GPM6B: variants seen among roughly 807,000 people sequenced by gnomAD.
GPM6B encodes the protein glycoprotein M6B, also known as neuronal membrane glycoprotein M6-b.
Under a neutral mutation model 27.2 loss-of-function variants are expected in GPM6B, and 4 were observed. The observed-to-expected ratio is 0.15, with a 90% CI of 0.07 to 0.34. GPM6B has a LOEUF of 0.34. Among genes scored for constraint, GPM6B ranks in the 10% least tolerant of loss-of-function variants. GPM6B has a pLI of 1.00. For synonymous variants in GPM6B, 124 were observed against 103.1 expected, an observed-to-expected ratio of 1.20 and a Z score of -1.23; for missense variants, 183 against 261.9, an observed-to-expected ratio of 0.70 and a Z score of 2.08.
chrX:13,796,846 G>A (rs1268736434), intron 2 of GPM6B, among the ~76,000 whole-genome samples: 1 of 112,075 alleles, frequency 8.9e-6, no homozygotes, highest in Non-Finnish European at 1.9e-5. Context: ...TTCCATGACT[G>A]GGAATAAACA....
intron 2 of GPM6B, among the ~76,000 whole-genome samples, chrX:13,796,828 T>A (rs1045899158): frequency 1.7e-4 from 19 of 112,394 alleles, no homozygotes; most frequent in Non-Finnish European, 3.4e-4. Flanking sequence ...ATAAAAGCAA[T>A]GATACGCTTC....
intron 7 of GPM6B, chrX:13,773,943 C>T: frequency 2.9e-6 from 2 of 689,737 alleles, no homozygotes; most frequent in Non-Finnish European, 3.4e-6. Context: ...AAACTACCCA[C>T]ATATAAATCC....
intron 1 of GPM6B, among the ~76,000 whole-genome samples, chrX:13,848,413 T>G (rs2049675398): frequency 9.0e-6 from 1 of 111,679 alleles, no homozygotes; most frequent in Non-Finnish European, 1.9e-5. Context: ...TGACAACAGG[T>G]CAAAGAATTT....
At chrX:13,826,932 C>T (rs1025417807) in intron 1 of GPM6B, among the ~76,000 whole-genome samples, 4 of 110,176 alleles carry the variant, frequency 3.6e-5, no homozygotes, top group African/African-American at 1.3e-4. Context: ...CTCATCTACC[C>T]AGCATGTTCC....
intron 1 of GPM6B, among the ~76,000 whole-genome samples, chrX:13,812,044 CTTTCTTTTTTTTTT>C (rs1321115056): frequency 3.6e-5 from 3 of 82,667 alleles, no homozygotes; most frequent in African/African-American, 1.4e-4. Context: ...CTTTTCTTTT[CTTTCTTTTTTTTTT>C]TTTTTTTTTG....
chrX:13,877,799 C>A (rs1281498764), intron 1 of GPM6B, among the ~76,000 whole-genome samples: 1 of 76,929 alleles, frequency 1.3e-5, no homozygotes, highest in Non-Finnish European at 2.3e-5. Flanking sequence ...TACACCCCAG[C>A]CTGGGCATTA....
intron 1 of GPM6B, among the ~76,000 whole-genome samples, chrX:13,896,582 T>C (rs966741556): frequency 9.0e-6 from 1 of 111,042 alleles, no homozygotes; most frequent in Admixed American, 9.6e-5. Flanking sequence ...TTTTTTCAAA[T>C]TGAGACAGAG....
intron 2 of GPM6B, among the ~76,000 whole-genome samples, chrX:13,788,183 C>G (rs1035440623): frequency 2.7e-5 from 3 of 111,815 alleles, no homozygotes; most frequent in African/African-American, 9.8e-5. Flanking sequence ...AACCCAGGAG[C>G]TGGGTTCTAA....
intron 2 of GPM6B, among the ~76,000 whole-genome samples, chrX:13,789,333 T>A (rs987439862): frequency 8.9e-6 from 1 of 111,802 alleles, no homozygotes; most frequent in African/African-American, 3.3e-5. Context: ...CACACACTCA[T>A]CCTAGAGGAA....
chrX:13,828,508 A>G (rs1233789438), intron 1 of GPM6B, among the ~76,000 whole-genome samples: 2 of 111,673 alleles, frequency 1.8e-5, no homozygotes, highest in Non-Finnish European at 3.8e-5. Flanking sequence ...TTTCTTTGTA[A>G]GTTTCCCAAT....
chrX:13,925,490 C>CTTTTTTTTT (rs57186854), intron 1 of GPM6B, among the ~76,000 whole-genome samples: 1 of 79,869 alleles, frequency 1.3e-5, no homozygotes, highest in African/African-American at 4.8e-5. Context: ...CCATGTCTGG[C>CTTTTTTTTT]TTTTTTTTTT....
chrX:13,841,442 G>C (rs773141324), intron 1 of GPM6B, among the ~76,000 whole-genome samples: 1 of 111,915 alleles, frequency 8.9e-6, no homozygotes, highest in African/African-American at 3.3e-5. Flanking sequence ...CATCACCTTA[G>C]AGTCTGGAGC....
At position 13,903,535 on chromosome X, in the gene GPM6B, T is replaced by G. The variant is rs2050301337; in HGVS notation, c.-198+34792A>C. Among the ~76,000 whole-genome samples, 3 of 111,984 alleles carry G rather than the reference T, an allele frequency of 2.7e-5. No homozygotes were observed. The South Asian group carries it at 1.1e-3, about 42-fold the overall frequency. On this transcript the variant is annotated intron_variant, in intron 1 of 6. Transcript: ENST00000398361. ...TCAGCATTCTGCCCCTAAGCTCACG[T>G]TCATTATCATTTTACCACGCAGACT...
intron 1 of GPM6B, among the ~76,000 whole-genome samples, chrX:13,827,302 A>C (rs1166545659): frequency 1.2e-5 from 1 of 80,899 alleles, no homozygotes; most frequent in East Asian, 3.9e-4. Context: ...TTTCTTTTAG[A>C]GTCCAGGTCT....
At chrX:13,887,964 A>C (rs5979994) in intron 1 of GPM6B, among the ~76,000 whole-genome samples, 59,594 of 109,886 alleles carry the variant, frequency 0.54, 13,039 homozygotes, top group East Asian at 0.95. Flanking sequence ...TTCTGCTATG[A>C]CCCACCCAGC....
intron 1 of GPM6B, among the ~76,000 whole-genome samples, chrX:13,859,549 A>T (rs1435855604): frequency 9.1e-6 from 1 of 109,604 alleles, no homozygotes; most frequent in Non-Finnish European, 1.9e-5. Flanking sequence ...GTGTACAGAG[A>T]TTTTTTTTTA....
At chrX:13,773,056 G>A in intron 7 of GPM6B, 26 bp from the exon 8 acceptor site, 1 of 1,193,757 alleles carries the variant, frequency 8.4e-7, no homozygotes, top group Non-Finnish European at 1.1e-6. Context: ...GAGCATGATG[G>A]CTAGTGAGCA....
At chrX:13,777,627 G>A (rs1290797426) in intron 5 of GPM6B, among the ~76,000 whole-genome samples, 1 of 112,419 alleles carries the variant, frequency 8.9e-6, no homozygotes, top group Non-Finnish European at 1.9e-5. Context: ...AAGCCAACTA[G>A]TCCATAAGAG....
intron 1 of GPM6B, among the ~76,000 whole-genome samples, chrX:13,872,090 T>C (rs1198433005): frequency 3.6e-5 from 4 of 110,715 alleles, no homozygotes; most frequent in Admixed American, 2.9e-4. Context: ...TCTGATCTGT[T>C]GCATTTTGTA....
Sources: allele counts gnomAD v4.1 joint callset (sites outside exome capture counted in the v4.1 genomes callset), GRCh38; gene constraint gnomAD v4.1.1; transcripts MANE v1.5; gene names NCBI Gene and HGNC (gene_info 2026-07-23, HGNC 2026-07-21).